The following UBR2 variants were observed in gnomAD, a reference collection of about 807,000 sequenced individuals.
UBR2 encodes the protein ubiquitin protein ligase E3 component n-recognin 2.
Under a neutral mutation model 247.9 loss-of-function variants are expected in UBR2, and 92 were observed. The observed-to-expected ratio is 0.37, with a 90% CI of 0.31 to 0.44. The LOEUF is 0.44. UBR2 is among the 20% of genes least tolerant of loss of function. The pLI, the probability that UBR2 is intolerant of heterozygous loss-of-function variation, is 1.00. For missense variants in UBR2, 1,613 were observed against 2,112.6 expected (o/e 0.76, Z 4.64); for synonymous variants, 672 against 693.5 (o/e 0.97, Z 0.49).
At chr6:42,615,208 G>C in intron 9 of UBR2, 30 bp downstream of exon 9, 1 of 1,547,234 alleles carries the variant, frequency 6.5e-7, no homozygotes, top group Non-Finnish European at 8.8e-7. Context: ...TTAAGGTGTA[G>C]AGGAACCTAT....
intron 25 of UBR2, among the ~76,000 whole-genome samples, chr6:42,654,821 C>T (rs73424412): frequency 0.021 from 3,147 of 152,260 alleles, 95 homozygotes; most frequent in African/African-American, 0.07. Flanking sequence ...GTGAGATACA[C>T]TGAAGAACTA....
intron 11 of UBR2, among the ~76,000 whole-genome samples, chr6:42,630,258 C>T (rs1332505945): frequency 6.6e-6 from 1 of 150,644 alleles, no homozygotes; most frequent in Non-Finnish European, 1.5e-5. Context: ...GATCTCGGTT[C>T]ACTGCAACCT....
intron 11 of UBR2, among the ~76,000 whole-genome samples, chr6:42,625,799 G>T (rs538136759): frequency 6.6e-6 from 1 of 150,660 alleles, no homozygotes; most frequent in Non-Finnish European, 1.5e-5. Flanking sequence ...CTTTAGTTGC[G>T]TTGATTTATT....
At chr6:42,678,844 A>T (rs1798873836) in intron 41 of UBR2, among the ~76,000 whole-genome samples, 175 bp downstream of exon 41, 1 of 152,200 alleles carries the variant, frequency 6.6e-6, no homozygotes. Flanking sequence ...GTCTCCATTT[A>T]TTTGGATCTC....
intron 11 of UBR2, among the ~76,000 whole-genome samples, chr6:42,628,010 T>C (rs1795463209): frequency 6.6e-6 from 1 of 152,116 alleles, no homozygotes; most frequent in Non-Finnish European, 1.5e-5. Flanking sequence ...TAGCTTTGTT[T>C]TTTTCTTGGG....
At chr6:42,627,933 T>TCAATTA (rs1225663066) in intron 11 of UBR2, among the ~76,000 whole-genome samples, 2 of 152,242 alleles carry the variant, frequency 1.3e-5, no homozygotes, top group African/African-American at 4.8e-5. Context: ...AAAGGCAAGA[T>TCAATTA]GAAGTCAATT....
At position 42,644,550 on chromosome 6, in the gene UBR2, GTT is replaced by G. The variant is rs1796642547; in HGVS notation, c.2284+16_2284+17del. ...TAATGCTTGTTGGTAAGTTTAAATT[GTT>G]TGAGGCATTTAATAAATTACACTGA... On this transcript the variant is annotated intron_variant, in intron 20 of 46. Coordinates refer to ENST00000372901, the MANE Select transcript of UBR2 (RefSeq NM_001363705.2). 2 of 1,597,454 alleles carry G rather than the reference GTT, an allele frequency of 1.3e-6. No homozygotes were observed.
chr6:42,610,227 A>G (rs1415881936), intron 7 of UBR2, among the ~76,000 whole-genome samples: 2 of 152,182 alleles, frequency 1.3e-5, no homozygotes, highest in Non-Finnish European at 2.9e-5. Flanking sequence ...ACCTTTGTGC[A>G]CTACTGGTAG....
chr6:42,564,670 C>T (rs1322919118), intron 1 of UBR2, among the ~76,000 whole-genome samples: 1 of 152,254 alleles, frequency 6.6e-6, no homozygotes, highest in African/African-American at 2.4e-5. Flanking sequence ...TACCTCCTTT[C>T]CCCCAGCCTC....
intron 2 of UBR2, among the ~76,000 whole-genome samples, chr6:42,582,303 ACAT>A (rs1791963276): frequency 1.6e-5 from 2 of 127,788 alleles, no homozygotes; most frequent in South Asian, 5.1e-4. Flanking sequence ...AAAAAAAAAA[ACAT>A]TTTAGGAATG....
At chr6:42,663,873 TC>T (rs1273274608) in intron 32 of UBR2, among the ~76,000 whole-genome samples, 1 of 152,106 alleles carries the variant, frequency 6.6e-6, no homozygotes, top group Non-Finnish European at 1.5e-5. Context: ...AATGGAAAAA[TC>T]TCAGCTGGGC....
At chr6:42,640,062 A>G in intron 15 of UBR2, 147 bp from the exon 16 acceptor site, 1 of 640,282 alleles carries the variant, frequency 1.6e-6, no homozygotes, top group Non-Finnish European at 2.6e-6. Context: ...TCTTATGAAT[A>G]TAGATCATTT....
At chr6:42,600,426 G>A (rs1793285381) in intron 4 of UBR2, among the ~76,000 whole-genome samples, 1 of 151,970 alleles carries the variant, frequency 6.6e-6, no homozygotes, top group African/African-American at 2.4e-5. Context: ...TATGAAAAGG[G>A]CAATCTGAGC....
intron 3 of UBR2, among the ~76,000 whole-genome samples, chr6:42,593,024 A>G (rs992217943): frequency 9.2e-5 from 14 of 152,126 alleles, no homozygotes; most frequent in Non-Finnish European, 1.6e-4. Flanking sequence ...AAATGCAAAA[A>G]TTAGCCAGAC....
Position 42,691,159 on chromosome 6 carries a change from T to C in UBR2, c.5254T>C (p.Trp1752Arg). The change falls in exon 47 of 47, where the codon TGG becomes CGG. Residue 1752 changes from tryptophan (W) to arginine (R), a missense_variant. Around this residue, in one of 3 missense-constraint regions of UBR2, gnomAD observed 80 missense variants for 108.6 expected, o/e 0.74. Coordinates refer to ENST00000372901, the MANE Select transcript of UBR2 (RefSeq NM_001363705.2). The part of the protein sequence containing the change: ...EANQTLVGID[W>R]QHL ...CAATCAGACACTGGTTGGCATTGAC[T>C]GGCAACATTTATAATTATTGCACCA... 1 of 1,613,764 alleles carries C rather than the reference T, an allele frequency of 6.2e-7. No homozygotes were observed. Among genetic ancestry groups the C allele is most frequent in the Non-Finnish European group, 8.5e-7 (1 of 1,179,956 alleles).
At chr6:42,595,545 A>C (rs1792912862) in intron 4 of UBR2, among the ~76,000 whole-genome samples, 1 of 152,098 alleles carries the variant, frequency 6.6e-6, no homozygotes. Flanking sequence ...CAGGAGTTTG[A>C]GACCAGCCTG....
chr6:42,665,916 C>T (rs1022327035), intron 33 of UBR2, among the ~76,000 whole-genome samples: 10 of 151,944 alleles, frequency 6.6e-5, no homozygotes, highest in Non-Finnish European at 1.3e-4. Context: ...GGATTTATAT[C>T]ATTGGTTTTC....
At chr6:42,590,880 C>A (rs1334882955) in intron 2 of UBR2, among the ~76,000 whole-genome samples, 1 of 152,196 alleles carries the variant, frequency 6.6e-6, no homozygotes, top group Non-Finnish European at 1.5e-5. Context: ...AATATATATT[C>A]TTTCAAGTAC....
At chr6:42,564,463 C>T (rs1451474003) in intron 1 of UBR2, 66 bp downstream of exon 1, 9 of 1,544,396 alleles carry the variant, frequency 5.8e-6, no homozygotes, top group Non-Finnish European at 7.9e-6. Context: ...GAGGAACCGA[C>T]TCCTGGACGT....
Sources: gnomAD v4.1 joint callset for allele counts (sites outside exome capture counted in the v4.1 genomes callset) on GRCh38, gnomAD v4.1.1 for gene constraint, gnomAD v4.1.1 regional missense constraint, MANE v1.5 for transcripts, NCBI Gene and HGNC (gene_info 2026-07-23, HGNC 2026-07-21) for gene names.